Variants in NOXA1 observed in about 807,000 individuals in gnomAD.
NOXA1 encodes the protein NCF2-like protein.
In NOXA1, 56 loss-of-function variants were observed where a neutral mutation model predicts 64.8. The ratio of observed to expected loss-of-function variants is 0.86; its 90% confidence interval spans 0.70 to 1.08. NOXA1 has a LOEUF of 1.08. Among genes scored for constraint, NOXA1 ranks in the 50% least tolerant of loss-of-function variants. NOXA1 has a pLI of 0.00. For synonymous variants in NOXA1, 295 were observed against 294.8 expected (o/e 1.00, Z -0.01); for missense variants, 668 against 658.5 (o/e 1.01, Z -0.16).
chr9:137,428,258 T>C, intron 3 of NOXA1, 117 bp downstream of exon 3: 2 of 698,798 alleles, frequency 2.9e-6, no homozygotes, highest in Non-Finnish European at 4.9e-6. Context: ...CTTGGTGCCA[T>C]GGAATACCCT....
rs1839104388 is a variant in NOXA1, at chr9:137,431,396, G to A, written c.804+55G>A. ...GGGGGTCGGTGCTTCTGCTGCCTCC[G>A]CAGACTGGGGACCACAATGGGACCA... is the stretch of plus-strand genomic sequence containing the variant. On this transcript the variant is annotated intron_variant, in intron 8 of 13. Transcript: ENST00000683555. The surrounding 1 kb of genome is among the most constrained non-coding windows in gnomAD (Gnocchi z 5.6). The A allele has an allele frequency of 8.5e-6, 12 of 1,407,644 alleles. No homozygotes were observed. The highest frequency in any genetic ancestry group is 1.4e-5 in the African/African-American group (1 of 71,310). 87.2% of individuals were successfully genotyped at this position (1,407,644 alleles called of 1,614,324 possible).
chr9:137,424,526 G>A (rs1168563179), intron 1 of NOXA1, among the ~76,000 whole-genome samples: 22 of 152,290 alleles, frequency 1.4e-4, no homozygotes, highest in African/African-American at 4.6e-4. Context: ...TGCAACCTCT[G>A]CCTCCCGGGT....
chr9:137,433,338 G>A (rs992048444), intron 10 of NOXA1, 75 bp downstream of exon 10: 1 of 1,493,398 alleles, frequency 6.7e-7, no homozygotes, highest in Admixed American at 2.3e-5. Flanking sequence ...TCAGAATCAA[G>A]GCTTGCAAGC....
intron 3 of NOXA1, 101 bp from the exon 4 acceptor site, chr9:137,428,774 TGGGGGAG>T (rs1457711193): frequency 3.8e-6 from 3 of 786,904 alleles, no homozygotes; most frequent in Non-Finnish European, 4.8e-6. Flanking sequence ...GTGGGGGGAC[TGGGGGAG>T]GGGCTGGGTG....
chr9:137,430,957 G>A (rs1839083377), intron 6 of NOXA1, 114 bp downstream of exon 6: 2 of 1,555,792 alleles, frequency 1.3e-6, no homozygotes, highest in African/African-American at 1.4e-5. Flanking sequence ...GATGGGAGGT[G>A]TGGGGTGGCC....
At chr9:137,424,704 G>A (rs1031911053) in intron 1 of NOXA1, among the ~76,000 whole-genome samples, 2 of 152,174 alleles carry the variant, frequency 1.3e-5, no homozygotes, top group Admixed American at 1.3e-4. Flanking sequence ...ACCCATAGTG[G>A]TGGGATTACA....
chr9:137,434,070 C>A lies in NOXA1; in HGVS notation c.1285C>A (p.Leu429Met). ...CCGACAGGGGGACACGGTGGACGTCCTGTGTGAAGGTAGGGTGGGCATGGC... is the reference window on the plus strand; with the variant it reads ...CCGACAGGGGGACACGGTGGACGTCATGTGTGAAGGTAGGGTGGGCATGGC... The part of the protein sequence containing the change: ...GFRQGDTVDV[L>M]CEVDQAWLEG... Residue 429 changes from leucine to methionine, a missense_variant, in exon 13 of 14, where the codon CTG becomes ATG. Physicochemically the swap from Leu to Met is conservative, Grantham distance 15 (BLOSUM62 2). Coordinates refer to ENST00000683555, the MANE Select transcript of NOXA1 (RefSeq NM_001256067.2). The A allele has an allele frequency of 6.3e-7, 1 of 1,583,140 alleles. No homozygotes were observed. The highest frequency in any genetic ancestry group is 8.6e-7 in the Non-Finnish European group (1 of 1,169,414).
rs1350224096 is a variant in NOXA1 at position 137,423,523 on chromosome 9, G to A, written c.-7G>A. On this transcript the variant is annotated 5_prime_UTR_variant, in exon 1 of 14. Coordinates refer to ENST00000683555, the MANE Select transcript of NOXA1 (RefSeq NM_001256067.2). Reference sequence around the variant, plus strand: ...TGGCCCCTCCTCGAGCGCCGCCACCGGCCGCCATGGCCTCTCTGGGGGACC... The same window carrying A: ...TGGCCCCTCCTCGAGCGCCGCCACCAGCCGCCATGGCCTCTCTGGGGGACC... The A allele has an allele frequency of 7.4e-7, 1 of 1,357,442 alleles. No homozygotes were observed. The allele number at this position is 1,357,442 out of a possible 1,614,324, so 84.1% of individuals were successfully genotyped here.
Position 137,431,304 on chromosome 9 carries a change from G to T in NOXA1, c.767G>T (p.Gly256Val). The T allele has an allele frequency of 6.2e-7, 1 of 1,611,848 alleles. No individual in the cohort carries two copies. The highest frequency in any genetic ancestry group is 8.5e-7 in the Non-Finnish European group (1 of 1,179,948). ...QGPLDAETEV[G>V]ADRCTSTAYQ... ...CCCCTCGATGCAGAGACAGAGGTCGGTGCTGACCGCTGCACGTCGACTGCC... is the reference window on the plus strand; with the variant it reads ...CCCCTCGATGCAGAGACAGAGGTCGTTGCTGACCGCTGCACGTCGACTGCC... The change falls in exon 8 of 14, where the codon GGT (glycine) becomes GTT (valine). Residue 256 changes from glycine (G) to valine (V), a missense_variant. Physicochemically the swap from Gly to Val is moderately radical, Grantham distance 109. Coordinates refer to ENST00000683555, the MANE Select transcript of NOXA1 (RefSeq NM_001256067.2). The surrounding 1 kb of genome is among the most constrained non-coding windows in gnomAD (Gnocchi z 5.6).
intron 3 of NOXA1, 44 bp from the exon 4 acceptor site, chr9:137,428,838 G>C (rs1219755684): frequency 2.0e-6 from 3 of 1,531,984 alleles, no homozygotes; most frequent in Non-Finnish European, 2.6e-6. Context: ...AGAGGGCCTG[G>C]GTGGGGCATC....
chr9:137,432,728 G>A (rs535805044), intron 8 of NOXA1, among the ~76,000 whole-genome samples: 1 of 152,344 alleles, frequency 6.6e-6, no homozygotes, highest in Non-Finnish European at 1.5e-5. Flanking sequence ...GGGGCCCAGG[G>A]ACTGGGTCCT....
chr9:137,430,424 G>A (rs564974575), intron 5 of NOXA1, among the ~76,000 whole-genome samples: 7 of 152,236 alleles, frequency 4.6e-5, no homozygotes, highest in Admixed American at 6.5e-5. Context: ...CCTGCGCTGC[G>A]CCACGGCCGA....
In NOXA1 at chr9:137,431,460, G is replaced by T; in HGVS notation, c.804+119G>T. 1.2e-6 allele frequency: 1 copy of T among 822,088 alleles called. No homozygotes were observed. The highest frequency in any genetic ancestry group is 2.2e-5 in the Admixed American group (1 of 45,800). The allele number at this position is 822,088 out of a possible 1,614,324, so 50.9% of individuals were successfully genotyped here. A position where few individuals can be genotyped will look rare whatever the true frequency, so the allele number is the denominator to read the frequency against. ...GGGAGCAGCTCGCTGGGGGGTAGAC[G>T]GGGCCGGGCTCACCCGTGGTCCTGG... On this transcript the variant is annotated intron_variant, in intron 8 of 13. Coordinates refer to ENST00000683555, the MANE Select transcript of NOXA1 (RefSeq NM_001256067.2). This position sits in a 1 kb window ranked among gnomAD's most constrained non-coding sequence, Gnocchi z 5.6.
intron 2 of NOXA1, among the ~76,000 whole-genome samples, chr9:137,427,634 C>T (rs1588462801): frequency 6.6e-6 from 1 of 152,192 alleles, no homozygotes; most frequent in Admixed American, 6.5e-5. Context: ...CTCCGGCAGG[C>T]GCTGGGGAGC....
rs369478985 is a variant in NOXA1, at chr9:137,433,804, G to A, written c.1119G>A (p.Ser373=). 82 of 1,452,628 alleles carry A rather than the reference G, an allele frequency of 5.6e-5. 3 individuals are homozygous for A. In the South Asian group the frequency reaches 9.8e-4, roughly 17 times the overall value. 90.0% of individuals were successfully genotyped at this position (1,452,628 alleles called of 1,614,324 possible). ...GHWVPIPEEE[S]LQRAWQDAAA... ...GGGTCCCCATCCCCGAGGAGGAGTCGCTGCAGAGGGCCTGGCAGGACGCAG... is the reference window on the plus strand; with the variant it reads ...GGGTCCCCATCCCCGAGGAGGAGTCACTGCAGAGGGCCTGGCAGGACGCAG... The change falls in exon 12 of 14, where the codon TCG becomes TCA. Residue 373 remains serine (S), a synonymous_variant. Transcript: ENST00000683555.
At chr9:137,423,743 C>A in intron 1 of NOXA1, 37 bp downstream of exon 1, 1 of 1,235,806 alleles carries the variant, frequency 8.1e-7, no homozygotes, top group East Asian at 3.4e-5. Context: ...CGGGCGACGC[C>A]TCCGCCTCGA....
Position 137,430,809 on chromosome 9 carries a change from A to C in NOXA1, c.638A>C (p.Asp213Ala). ...GTGGTGGCCTCTGCCATCCCCGACGACCAGGGCTGGGGCGTCCGCCCTCAG... is the reference window on the plus strand; with the variant it reads ...GTGGTGGCCTCTGCCATCCCCGACGCCCAGGGCTGGGGCGTCCGCCCTCAG... ...AKVVASAIPD[D>A]QGWGVRPQQP... The change falls in exon 6 of 14, where the codon GAC (aspartate) becomes GCC (alanine). Residue 213 changes from aspartate to alanine, a missense_variant. By Grantham distance (126) the Asp-to-Ala change is moderately radical. Coordinates refer to ENST00000683555, the MANE Select transcript of NOXA1 (RefSeq NM_001256067.2). The C allele has an allele frequency of 6.3e-7, 1 of 1,595,590 alleles. No individual in the cohort carries two copies.
intron 5 of NOXA1, 67 bp downstream of exon 5, chr9:137,429,450 G>T: frequency 8.5e-7 from 1 of 1,182,274 alleles, no homozygotes; most frequent in South Asian, 1.4e-5. Context: ...TGTTCCCAGG[G>T]ATGGGGGGAG....
rs375618437 is a variant in NOXA1, at chr9:137,433,251, C to T, written c.897C>T (p.Pro299=). 5.8e-5 allele frequency: 92 copies of T among 1,592,528 alleles called. 1 individual carries two copies. In the South Asian group the frequency reaches 8.0e-4, roughly 14 times the overall value. ...CTGGCCCCGGCCCCTGTGAGGACCC[C>T]GCGGGTGCTGGGGTAAGAGGCTCTA... is the stretch of plus-strand genomic sequence containing the variant. ...GGPGPGPCED[P]AGAGGAGAGG... is the part of the protein sequence containing the mutation. Residue 299 remains proline, a synonymous_variant, in exon 10 of 14, where the codon CCC becomes CCT. Transcript: ENST00000683555.
Sources: gnomAD v4.1 joint callset for allele counts (sites outside exome capture counted in the v4.1 genomes callset) on GRCh38, gnomAD v4.1.1 for gene constraint, Gnocchi (gnomAD v3.1) non-coding constraint, MANE v1.5 for transcripts, NCBI Gene and HGNC (gene_info 2026-07-23, HGNC 2026-07-21) for gene names.